CRACDL: variants seen among roughly 807,000 people sequenced by gnomAD.
CRACDL encodes the protein CRACD-like protein.
In CRACDL, 26 loss-of-function variants were observed where a neutral mutation model predicts 70.6. The ratio of observed to expected loss-of-function variants is 0.37; its 90% CI spans 0.27 to 0.51. The LOEUF is 0.51. CRACDL is among the 20% of genes least tolerant of loss of function. CRACDL has a pLI of 0.94. For missense variants in CRACDL, 1,283 were observed against 1,376.9 expected (o/e 0.93, Z 1.08); for synonymous variants, 618 against 615.2 (o/e 1.00, Z -0.07).
chr2:98,844,186 G>A (rs907186248), intron 2 of CRACDL, among the ~76,000 whole-genome samples: 1 of 152,072 alleles, frequency 6.6e-6, no homozygotes, highest in Non-Finnish European at 1.5e-5. Context: ...GTGCTTTTTT[G>A]TATATGTTGT....
intron 1 of CRACDL, among the ~76,000 whole-genome samples, chr2:98,880,390 T>A (rs1257078204): frequency 6.6e-6 from 1 of 152,238 alleles, no homozygotes; most frequent in Non-Finnish European, 1.5e-5. Flanking sequence ...AGCTGATATA[T>A]GCTTACTCCT....
chr2:98,905,310 G>A (rs865781951), intron 1 of CRACDL, among the ~76,000 whole-genome samples: 15 of 149,554 alleles, frequency 1.0e-4, no homozygotes, highest in Admixed American at 4.0e-4. Flanking sequence ...TGCCTCTCTT[G>A]CCATGCGACA....
chr2:98,836,954 G>A (rs1203139672), intron 3 of CRACDL, among the ~76,000 whole-genome samples: 1 of 151,846 alleles, frequency 6.6e-6, no homozygotes, highest in Admixed American at 6.6e-5. Flanking sequence ...GCGTGGTGGC[G>A]GGTGCCTGTA....
intron 7 of CRACDL, among the ~76,000 whole-genome samples, chr2:98,807,641 T>C (rs372610910): frequency 3.9e-5 from 6 of 152,282 alleles, no homozygotes; most frequent in African/African-American, 9.6e-5. Context: ...GCAAGTTCTT[T>C]AACCTAAGTT....
At chr2:98,804,332 C>T (rs946061508) in intron 7 of CRACDL, among the ~76,000 whole-genome samples, 2 of 152,216 alleles carry the variant, frequency 1.3e-5, no homozygotes, top group Non-Finnish European at 2.9e-5. Context: ...AGTCAATCAT[C>T]GCTGTGAGCT....
intron 1 of CRACDL, among the ~76,000 whole-genome samples, chr2:98,931,248 C>T (rs901255284): frequency 1.3e-5 from 2 of 150,980 alleles, no homozygotes; most frequent in African/African-American, 4.9e-5. Context: ...TCCCTTGAAC[C>T]CAGGAGGCAG....
chr2:98,835,938 C>T (rs891413736), intron 3 of CRACDL, among the ~76,000 whole-genome samples: 1 of 152,210 alleles, frequency 6.6e-6, no homozygotes, highest in Non-Finnish European at 1.5e-5. Context: ...GCAGGTGACT[C>T]ATCATGGGAT....
At chr2:98,843,199 A>G (rs1706113227) in intron 2 of CRACDL, among the ~76,000 whole-genome samples, 2 of 152,150 alleles carry the variant, frequency 1.3e-5, no homozygotes, top group South Asian at 4.1e-4. Context: ...ACATCTTCTT[A>G]GGTAAAGCAT....
At chr2:98,928,418 G>T (rs966984889) in intron 1 of CRACDL, among the ~76,000 whole-genome samples, 1 of 152,184 alleles carries the variant, frequency 6.6e-6, no homozygotes, top group African/African-American at 2.4e-5. Flanking sequence ...CTCAAGCCAC[G>T]TAACACTGTG....
At chr2:98,811,930 C>T (rs1291218526) in intron 7 of CRACDL, among the ~76,000 whole-genome samples, 4 of 152,200 alleles carry the variant, frequency 2.6e-5, no homozygotes, top group Admixed American at 6.5e-5. Flanking sequence ...TTCCCATTCA[C>T]CAGCTGAGTT....
At chr2:98,869,008 G>C in intron 1 of CRACDL, 1 of 1,002,280 alleles carries the variant, frequency 1.0e-6, no homozygotes, top group South Asian at 1.3e-5. Context: ...CCCACGCCCC[G>C]GGAGTCACGG....
intron 1 of CRACDL, among the ~76,000 whole-genome samples, chr2:98,902,962 C>T (rs529064402): frequency 3.7e-4 from 57 of 152,242 alleles, no homozygotes; most frequent in African/African-American, 1.3e-3. Flanking sequence ...CAGGAAGCTT[C>T]GCATCCTGAG....
At chr2:98,872,853 A>G (rs1443443813) in intron 1 of CRACDL, among the ~76,000 whole-genome samples, 1 of 152,260 alleles carries the variant, frequency 6.6e-6, no homozygotes, top group Non-Finnish European at 1.5e-5. Flanking sequence ...AGGAAGGATC[A>G]CAAAATGATG....
chr2:98,806,056 G>A (rs1704277414), intron 7 of CRACDL, among the ~76,000 whole-genome samples: 1 of 152,242 alleles, frequency 6.6e-6, no homozygotes, highest in Admixed American at 6.5e-5. Context: ...GTCTCCCAGT[G>A]GCAGCATTTA....
chr2:98,868,929 A>C (rs948295206), intron 1 of CRACDL: 2 of 369,680 alleles, frequency 5.4e-6, no homozygotes, highest in African/African-American at 2.1e-5. Context: ...TAAGGAGGTC[A>C]CAAACATTCT....
chr2:98,797,485 C>T lies in CRACDL; in HGVS notation c.2469G>A (p.Ala823=), dbSNP rs765707391. The change falls in exon 8 of 10, where the codon GCG becomes GCA. Residue 823 remains alanine, a synonymous_variant. Transcript: ENST00000397899. ...GCCGAGTGACGGTGATCCAGGGTGGCGCAGGCTGCCCATCAGCTCCAGGCC... is the reference window on the plus strand; with the variant it reads ...GCCGAGTGACGGTGATCCAGGGTGGTGCAGGCTGCCCATCAGCTCCAGGCC... The part of the protein sequence containing the change: ...ATGPGADGQP[A]PPWITVTRQK... 65 of 1,614,074 alleles carry T rather than the reference C, an allele frequency of 4.0e-5. No homozygotes were observed. Among genetic ancestry groups the T allele is most frequent in the Non-Finnish European group, 5.0e-5 (59 of 1,180,040 alleles).
chr2:98,909,004 C>A (rs537924606), intron 1 of CRACDL, among the ~76,000 whole-genome samples: 1 of 152,188 alleles, frequency 6.6e-6, no homozygotes, highest in Non-Finnish European at 1.5e-5. Flanking sequence ...TGCCCAGCCC[C>A]GTGTTTAAAA....
In CRACDL at chr2:98,822,013, CG is replaced by C; in HGVS notation, c.2259del (p.Glu754SerfsTer100). 1 of 1,537,786 alleles carries C rather than the reference CG, an allele frequency of 6.5e-7. No individual in the cohort carries two copies. ...SDQGKGKARP[P>X]EPLSSKPPLP... Reference sequence around the variant, plus strand: ...AGGGGCGGCTTGGAGCTGAGCGGCTCGGGGGGCCGGGCCTTCCCCTTTCCTT... The same window carrying C: ...AGGGGCGGCTTGGAGCTGAGCGGCTCGGGGGCCGGGCCTTCCCCTTTCCTT... On this transcript the variant is annotated frameshift_variant, in exon 7 of 10. Coordinates refer to ENST00000397899, the MANE Select transcript of CRACDL (RefSeq NM_207362.3). LOFTEE classifies it high-confidence loss of function. This position sits in a 1 kb window ranked among gnomAD's most constrained non-coding sequence, Gnocchi z 4.9.
chr2:98,832,617 G>T, intron 4 of CRACDL, 105 bp from the exon 5 acceptor site: 2 of 1,154,062 alleles, frequency 1.7e-6, no homozygotes, highest in Non-Finnish European at 2.5e-6. Flanking sequence ...CAGTATCTTG[G>T]TGTGGTGCAG....
Sources: gnomAD v4.1 joint callset for allele counts (sites outside exome capture counted in the v4.1 genomes callset) on GRCh38, gnomAD v4.1.1 for gene constraint, Gnocchi (gnomAD v3.1) non-coding constraint, MANE v1.5 for transcripts, NCBI Gene and HGNC (gene_info 2026-07-23, HGNC 2026-07-21) for gene names.